CPNE3: variants seen among roughly 807,000 people sequenced by gnomAD.
CPNE3 encodes copine 3.
Under a neutral mutation model 63.9 loss-of-function variants are expected in CPNE3, and 68 were observed. The observed-to-expected ratio is 1.06, with a 90% CI of 0.87 to 1.30. CPNE3 has a LOEUF of 1.30. Among genes scored for constraint, CPNE3 ranks in the 50% most tolerant of loss-of-function variants. CPNE3 has a pLI of 0.00. For missense variants in CPNE3, 665 were observed against 578.1 expected, an observed-to-expected ratio of 1.15 and a Z score of -1.54; for synonymous variants, 219 against 197.5, an observed-to-expected ratio of 1.11 and a Z score of -0.91.
Position 86,560,613 on chromosome 8 carries a change from T to C in CPNE3, c.*2203T>C, listed in dbSNP as rs1821418948. 1 of 150,958 alleles carries C rather than the reference T, an allele frequency of 6.6e-6. No individual in the cohort carries two copies. Among genetic ancestry groups the C allele is most frequent in the Non-Finnish European group, 1.5e-5 (1 of 67,720 alleles). 9.4% of individuals were successfully genotyped at this position (150,958 alleles called of 1,614,324 possible). A position where few individuals can be genotyped will look rare whatever the true frequency, so the allele number is the denominator to read the frequency against. On this transcript the variant is annotated 3_prime_UTR_variant, in exon 17 of 17. Coordinates refer to ENST00000517490, the MANE Select transcript of CPNE3 (RefSeq NM_003909.5). ...TAAAATTGTTTTAAAATTTAAAACATTTAATTCATGATCATGTTCATCAGT... is the reference window on the plus strand; with the variant it reads ...TAAAATTGTTTTAAAATTTAAAACACTTAATTCATGATCATGTTCATCAGT...
At chr8:86,555,116 G>A in intron 15 of CPNE3, 132 bp downstream of exon 15, 1 of 1,312,828 alleles carries the variant, frequency 7.6e-7, no homozygotes, top group Non-Finnish European at 1.0e-6. Flanking sequence ...TTCTTGGTTT[G>A]GGAGTAACTT....
intron 8 of CPNE3, among the ~76,000 whole-genome samples, chr8:86,542,048 G>A (rs1820953385): frequency 6.6e-6 from 1 of 152,084 alleles, no homozygotes; most frequent in South Asian, 2.1e-4. Context: ...GCTCACAGTG[G>A]CATGCTTACA....
intron 14 of CPNE3, among the ~76,000 whole-genome samples, chr8:86,553,009 G>A (rs1395068314): frequency 1.7e-4 from 19 of 109,078 alleles, no homozygotes; most frequent in Non-Finnish European, 2.6e-4. Flanking sequence ...GATTACAGGC[G>A]CCTGCCACCA....
intron 6 of CPNE3, among the ~76,000 whole-genome samples, chr8:86,536,394 C>T (rs912774853): frequency 1.2e-4 from 18 of 150,798 alleles, no homozygotes; most frequent in Non-Finnish European, 4.4e-5. Context: ...AGTTCTAATA[C>T]TAGCAACTTA....
rs551225397 is a variant in CPNE3, at chr8:86,541,011, TG to T, written c.633+678del. ...CATACATATACATAAAAGAAACTTTTGTACTAGAATTATTAACTTTACATGA... is the reference window on the plus strand; with the variant it reads ...CATACATATACATAAAAGAAACTTTTTACTAGAATTATTAACTTTACATGA... On this transcript the variant is annotated intron_variant, in intron 8 of 16. Coordinates refer to ENST00000517490, the MANE Select transcript of CPNE3 (RefSeq NM_003909.5). Among the ~76,000 whole-genome samples the T allele has an allele frequency of 1.3e-4, 20 of 152,336 alleles. No individual in the cohort carries two copies. In the East Asian group the frequency reaches 3.5e-3, roughly 26 times the overall value.
At chr8:86,528,897 T>C (rs1820602205) in intron 3 of CPNE3, 48 bp from the exon 4 acceptor site, 2 of 1,509,776 alleles carry the variant, frequency 1.3e-6, no homozygotes. Context: ...AAAATCCAAG[T>C]GCACCTTTGA....
chr8:86,523,650 A>G (rs1446561313), intron 2 of CPNE3, among the ~76,000 whole-genome samples: 3 of 152,178 alleles, frequency 2.0e-5, no homozygotes, highest in African/African-American at 4.8e-5. Context: ...CAGTGGTACC[A>G]TCTCGGCTCA....
chr8:86,520,775 C>G (rs1291521602), intron 2 of CPNE3, among the ~76,000 whole-genome samples: 1 of 150,902 alleles, frequency 6.6e-6, no homozygotes, highest in Admixed American at 6.6e-5. Flanking sequence ...TCTCCTGCCT[C>G]AGCCTTCCAG....
intron 4 of CPNE3, 130 bp from the exon 5 acceptor site, chr8:86,531,025 C>G: frequency 1.6e-6 from 1 of 625,106 alleles, no homozygotes; most frequent in East Asian, 2.9e-5. Context: ...CTTTAAGAAA[C>G]CAACTGAATG....
rs551555369 is a variant in CPNE3 at position 86,558,473 on chromosome 8, A to G, written c.*63A>G. 13 of 866,678 alleles carry G rather than the reference A, an allele frequency of 1.5e-5. No homozygotes were observed. The African/African-American group carries it at 1.8e-4, about 12-fold the overall frequency. The allele number at this position is 866,678 out of a possible 1,614,324, so 53.7% of individuals were successfully genotyped here. A position where few individuals can be genotyped will look rare whatever the true frequency, so the allele number is the denominator to read the frequency against. On this transcript the variant is annotated 3_prime_UTR_variant, in exon 17 of 17. Transcript: ENST00000517490. The stretch of plus-strand genomic sequence containing the variant: ...TGCCATCTCTCACCCCAAATCGTGT[A>G]TCTGTCATTCTACGTACTTTTTACC...
At chr8:86,548,627 T>C (rs373890835) in intron 12 of CPNE3, among the ~76,000 whole-genome samples, 193 bp downstream of exon 12, 1 of 152,176 alleles carries the variant, frequency 6.6e-6, no homozygotes, top group East Asian at 1.9e-4. Flanking sequence ...AATATCTTTC[T>C]GTGATTAGTT....
intron 9 of CPNE3, 80 bp downstream of exon 9, chr8:86,544,918 C>A: frequency 3.9e-6 from 3 of 761,162 alleles, no homozygotes; most frequent in African/African-American, 1.8e-5. Flanking sequence ...TTTCCCATAG[C>A]ATCAAACGGT....
At chr8:86,558,194 A>G in intron 16 of CPNE3, 94 bp from the exon 17 acceptor site, 1 of 821,472 alleles carries the variant, frequency 1.2e-6, no homozygotes, top group East Asian at 2.4e-5. Flanking sequence ...GAATTGCTTC[A>G]TTTTAGTGGC....
chr8:86,551,212 C>T lies in CPNE3; in HGVS notation c.1098C>T (p.Asn366=). ...QVSHEFPMNF[N]PSNPYCNGIQ... is the part of the protein sequence containing the mutation. ...CACATGAATTTCCAATGAACTTCAA[C>T]CCATCCAATCCCTACTGCAATGGTA... The change falls in exon 14 of 17, where the codon AAC becomes AAT. Residue 366 remains asparagine, a synonymous_variant. Transcript: ENST00000517490. 1 of 1,603,498 alleles carries T rather than the reference C, an allele frequency of 6.2e-7. No individual in the cohort carries two copies. Among genetic ancestry groups the T allele is most frequent in the Non-Finnish European group, 8.5e-7 (1 of 1,170,422 alleles).
chr8:86,557,541 A>G (rs544983701), intron 16 of CPNE3, among the ~76,000 whole-genome samples: 26 of 152,340 alleles, frequency 1.7e-4, no homozygotes, highest in African/African-American at 6.3e-4. Context: ...TTCTTAAAGC[A>G]GTTGTTAAAC....
At chr8:86,540,125 A>G in intron 7 of CPNE3, 120 bp from the exon 8 acceptor site, 1 of 662,126 alleles carries the variant, frequency 1.5e-6, no homozygotes, top group Non-Finnish European at 2.8e-6. Flanking sequence ...GAAATAGTTG[A>G]GTTGATGAAG....
intron 4 of CPNE3, among the ~76,000 whole-genome samples, chr8:86,530,068 A>T (rs138192449): frequency 6.6e-6 from 1 of 152,076 alleles, no homozygotes; most frequent in African/African-American, 2.4e-5. Context: ...CATCAGATGT[A>T]TATCTGTTTG....
chr8:86,516,022 C>T (rs1453932107), intron 2 of CPNE3, among the ~76,000 whole-genome samples: 1 of 152,196 alleles, frequency 6.6e-6, no homozygotes, highest in African/African-American at 2.4e-5. Flanking sequence ...CCCAGGGCCA[C>T]TTTTTGCCTT....
intron 8 of CPNE3, among the ~76,000 whole-genome samples, chr8:86,544,455 A>G (rs920496889): frequency 3.3e-5 from 5 of 152,192 alleles, no homozygotes; most frequent in Non-Finnish European, 7.3e-5. Context: ...GGCATGATAG[A>G]GGAGCTGGAA....
Sources: gnomAD v4.1 joint callset for allele counts (sites outside exome capture counted in the v4.1 genomes callset) on GRCh38, gnomAD v4.1.1 for gene constraint, MANE v1.5 for transcripts, NCBI Gene and HGNC (gene_info 2026-07-23, HGNC 2026-07-21) for gene names.